The following FBN2 variants were observed in gnomAD, a reference collection of about 807,000 sequenced individuals.
FBN2 encodes the protein fibrillin 2.
Under a neutral mutation model 355.6 loss-of-function variants are expected in FBN2, and 105 were observed. The observed-to-expected ratio is 0.30, with a 90% CI of 0.25 to 0.35. The LOEUF (loss-of-function observed/expected upper bound fraction) is 0.35, where lower values mean the gene tolerates loss of function less well. Among genes scored for constraint, FBN2 ranks in the 10% least tolerant of loss-of-function variants. FBN2 has a pLI of 1.00. For synonymous variants in FBN2, 1,350 were observed against 1,301.2 expected, an observed-to-expected ratio of 1.04 and a Z score of -0.81; for missense variants, 3,280 against 3,758.7, an observed-to-expected ratio of 0.87 and a Z score of 3.33.
At chr5:128,304,461 A>T (rs1176062843) in intron 45 of FBN2, among the ~76,000 whole-genome samples, 5 of 152,254 alleles carry the variant, frequency 3.3e-5, no homozygotes, top group Non-Finnish European at 7.3e-5. Flanking sequence ...GCTATTTTTA[A>T]GGGATAAAAC....
intron 5 of FBN2, among the ~76,000 whole-genome samples, chr5:128,474,708 C>A (rs1350621309): frequency 6.6e-6 from 1 of 152,140 alleles, no homozygotes; most frequent in Non-Finnish European, 1.5e-5. Context: ...CTGAGTCAAT[C>A]AAACTTAGTA....
At chr5:128,260,137 A>G (rs949655736) in intron 64 of FBN2, among the ~76,000 whole-genome samples, 8 of 152,130 alleles carry the variant, frequency 5.3e-5, no homozygotes, top group African/African-American at 1.7e-4. Flanking sequence ...TTTTTTGATG[A>G]GTTTATGAAA....
chr5:128,352,486 T>C (rs1219950650), intron 20 of FBN2, among the ~76,000 whole-genome samples: 2 of 152,224 alleles, frequency 1.3e-5, no homozygotes, highest in African/African-American at 4.8e-5. Context: ...TTTGGTGGCA[T>C]AATGAAAAGT....
At chr5:128,261,553 T>C (rs1282934333) in intron 64 of FBN2, among the ~76,000 whole-genome samples, 183 bp downstream of exon 64, 2 of 152,270 alleles carry the variant, frequency 1.3e-5, no homozygotes, top group Non-Finnish European at 2.9e-5. Flanking sequence ...CCAAGCTTTG[T>C]GTTTTGATCT....
At chr5:128,262,533 G>T (rs1210765905) in intron 63 of FBN2, among the ~76,000 whole-genome samples, 1 of 152,184 alleles carries the variant, frequency 6.6e-6, no homozygotes, top group Non-Finnish European at 1.5e-5. Flanking sequence ...GCTAAGACAG[G>T]TTCCATTGTT....
rs1032605023 is a variant in FBN2, at chr5:128,289,733, G to C, written c.6511+149C>G. 4 of 621,866 alleles carry C rather than the reference G, an allele frequency of 6.4e-6. No homozygotes were observed. The African/African-American group carries it at 7.4e-5, about 12-fold the overall frequency. The allele number at this position is 621,866 out of a possible 1,614,324, so 38.5% of individuals were successfully genotyped here. A position where few individuals can be genotyped will look rare whatever the true frequency, so the allele number is the denominator to read the frequency against. On this transcript the variant is annotated intron_variant, in intron 51 of 64. Transcript: ENST00000262464. Reference sequence around the variant, plus strand: ...TATAATCTTATGATATATGTATAATGTATATGATACAAAATAAGGGTTATA... The same window carrying C: ...TATAATCTTATGATATATGTATAATCTATATGATACAAAATAAGGGTTATA...
chr5:128,328,523 C>T (rs947314300), intron 34 of FBN2, 173 bp downstream of exon 34: 33 of 738,704 alleles, frequency 4.5e-5, no homozygotes, highest in Non-Finnish European at 7.1e-5. Context: ...AGATGAAAGC[C>T]GCCATCATCA....
intron 42 of FBN2, among the ~76,000 whole-genome samples, chr5:128,306,382 G>A (rs1367988444): frequency 6.6e-6 from 1 of 152,178 alleles, no homozygotes; most frequent in African/African-American, 2.4e-5. Context: ...CACTTTGGGA[G>A]GCTGAGGAGG....
intron 6 of FBN2, among the ~76,000 whole-genome samples, chr5:128,459,050 T>A (rs1252717421): frequency 6.6e-6 from 1 of 151,768 alleles, no homozygotes; most frequent in Non-Finnish European, 1.5e-5. Flanking sequence ...ACTGATAGAC[T>A]GCTAGCTAGA....
At chr5:128,377,972 A>T in intron 12 of FBN2, 95 bp from the exon 13 acceptor site, 2 of 1,229,880 alleles carry the variant, frequency 1.6e-6, no homozygotes, top group Non-Finnish European at 2.3e-6. Context: ...ATTCAAAATC[A>T]TGTTACTTCT....
intron 7 of FBN2, among the ~76,000 whole-genome samples, chr5:128,427,083 T>C (rs1377055333): frequency 6.6e-6 from 1 of 152,160 alleles, no homozygotes; most frequent in Non-Finnish European, 1.5e-5. Flanking sequence ...CAATTAGAAA[T>C]ATCTATCTAG....
intron 11 of FBN2, 148 bp from the exon 12 acceptor site, chr5:128,379,038 C>T: frequency 1.1e-6 from 1 of 904,468 alleles, no homozygotes; most frequent in Non-Finnish European, 1.8e-6. Flanking sequence ...ATGAAAATTC[C>T]TCTCTTCAAA....
chr5:128,288,602 A>C, intron 52 of FBN2, 45 bp from the exon 53 acceptor site: 1 of 1,606,330 alleles, frequency 6.2e-7, no homozygotes, highest in Non-Finnish European at 8.5e-7. Context: ...GTTTTAGTTT[A>C]ACAGGAGAAT....
Position 128,290,763 on chromosome 5 carries a change from G to T in FBN2, c.6414C>A (p.Asp2138Glu), listed in dbSNP as rs1449873424. Reference sequence around the variant, plus strand: ...CGTCTTTGGGGCACAGCTCACAGGGGTCCCCCCAGCCCTCTCCTGGCATCT... The same window carrying T: ...CGTCTTTGGGGCACAGCTCACAGGGTTCCCCCCAGCCCTCTCCTGGCATCT... ...CSKMPGEGWG[D>E]PCELCPKDDE... Residue 2138 changes from aspartate to glutamate, a missense_variant, in exon 50 of 65, where the codon GAC becomes GAA. Asp to Glu is a conservative substitution (Grantham distance 45, BLOSUM62 2). Coordinates refer to ENST00000262464, the MANE Select transcript of FBN2 (RefSeq NM_001999.4). 15 of 1,614,022 alleles carry T rather than the reference G, an allele frequency of 9.3e-6. No homozygotes were observed. Among genetic ancestry groups the T allele is most frequent in the Non-Finnish European group, 1.1e-5 (13 of 1,179,986 alleles).
At chr5:128,376,993 A>G in intron 13 of FBN2, 140 bp from the exon 14 acceptor site, 1 of 999,378 alleles carries the variant, frequency 1.0e-6, no homozygotes, top group Non-Finnish European at 1.5e-6. Flanking sequence ...TAAAAAAAGA[A>G]CGCCAACTGA....
chr5:128,297,168 T>C (rs1355482192), intron 48 of FBN2, among the ~76,000 whole-genome samples: 2 of 152,200 alleles, frequency 1.3e-5, no homozygotes, highest in African/African-American at 2.4e-5. Flanking sequence ...TTCTTAATCC[T>C]GAGTTCTAGT....
At chr5:128,364,471 G>A (rs2126940367) in intron 18 of FBN2, 129 bp downstream of exon 18, 1 of 944,188 alleles carries the variant, frequency 1.1e-6, no homozygotes, top group Non-Finnish European at 1.6e-6. Flanking sequence ...TCCTGTCAAT[G>A]TGTAATATGA....
chr5:128,518,394 A>G (rs1434719977), intron 5 of FBN2, among the ~76,000 whole-genome samples: 1 of 152,162 alleles, frequency 6.6e-6, no homozygotes, highest in Non-Finnish European at 1.5e-5. Context: ...ACAATGCGGG[A>G]TGCCTACCCA....
intron 5 of FBN2, among the ~76,000 whole-genome samples, chr5:128,512,807 C>T (rs1756167126): frequency 6.6e-6 from 1 of 152,162 alleles, no homozygotes; most frequent in African/African-American, 2.4e-5. Flanking sequence ...AATAACCAGC[C>T]ACCACATCTA....
Sources: gnomAD v4.1 joint callset for allele counts (sites outside exome capture counted in the v4.1 genomes callset) on GRCh38, gnomAD v4.1.1 for gene constraint, MANE v1.5 for transcripts, NCBI Gene and HGNC (gene_info 2026-07-23, HGNC 2026-07-21) for gene names.